Variants in EPB41L2 observed in about 807,000 individuals in gnomAD.
EPB41L2 encodes erythrocyte membrane protein band 4.1 like 2.
A neutral mutation model predicts 113.0 loss-of-function variants in EPB41L2; 43 were observed. The observed-to-expected ratio is 0.38, with a 90% CI of 0.30 to 0.49. The LOEUF (loss-of-function observed/expected upper bound fraction) is 0.49. Ranked by LOEUF, EPB41L2 falls within the 20% of genes least tolerant of loss-of-function variation. EPB41L2 has a pLI of 0.95. For missense variants in EPB41L2, 1,147 were observed against 1,223.4 expected (o/e 0.94, Z 0.93); for synonymous variants, 442 against 436.7 (o/e 1.01, Z -0.15).
intron 3 of EPB41L2, among the ~76,000 whole-genome samples, chr6:130,937,713 GGA>G (rs1210628128): frequency 6.6e-6 from 1 of 151,958 alleles, no homozygotes; most frequent in Admixed American, 6.6e-5. Context: ...CAGCTACTCG[GGA>G]GGCTGAGGCA....
intron 1 of EPB41L2, among the ~76,000 whole-genome samples, chr6:130,965,946 T>C (rs1775029680): frequency 6.6e-6 from 1 of 152,132 alleles, no homozygotes; most frequent in Non-Finnish European, 1.5e-5. Flanking sequence ...GTGTCCAATC[T>C]TGTGGCTTCC....
chr6:130,878,338 G>A, intron 13 of EPB41L2, 88 bp from the exon 14 acceptor site: 3 of 1,378,722 alleles, frequency 2.2e-6, no homozygotes, highest in South Asian at 1.5e-5. Context: ...ATAAGACAAA[G>A]CAAACTTACG....
At chr6:130,988,142 A>T (rs962512460) in intron 1 of EPB41L2, among the ~76,000 whole-genome samples, 2 of 152,194 alleles carry the variant, frequency 1.3e-5, no homozygotes, top group Non-Finnish European at 2.9e-5. Flanking sequence ...AAATAGGCTC[A>T]GGTGGAAGTA....
intron 3 of EPB41L2, among the ~76,000 whole-genome samples, chr6:130,954,267 A>G (rs1445094358): frequency 6.6e-6 from 1 of 151,554 alleles, no homozygotes; most frequent in Non-Finnish European, 1.5e-5. Context: ...GTTAGCCAGG[A>G]TGGTCTGGAT....
intron 14 of EPB41L2, among the ~76,000 whole-genome samples, chr6:130,874,984 C>T (rs566964460): frequency 1.4e-4 from 22 of 152,246 alleles, no homozygotes; most frequent in Middle Eastern, 6.8e-3. Context: ...ATATTAAAGT[C>T]CTCATTATAC....
rs868491402 is a variant in EPB41L2 at position 130,898,001 on chromosome 6, A to T, written c.1236+1490T>A. On this transcript the variant is annotated intron_variant, in intron 8 of 19. Transcript: ENST00000337057. ...GCCAGAGACTACTTACTGACAGAAA[A>T]ATCTTATAATAGTAAGTTAAAAAAA... Among the ~76,000 whole-genome samples, 849 of 151,986 alleles carry T rather than the reference A, an allele frequency of 5.6e-3. 5 individuals carry two copies. Among genetic ancestry groups the T allele is most frequent in the African/African-American group, 0.02 (819 of 41,476 alleles).
intron 18 of EPB41L2, among the ~76,000 whole-genome samples, chr6:130,861,291 C>G (rs1240127772): frequency 2.0e-5 from 3 of 151,946 alleles, no homozygotes; most frequent in Non-Finnish European, 2.9e-5. Flanking sequence ...CCAGGATGGT[C>G]TCCATCTCCT....
chr6:130,850,685 G>A (rs1219426833), intron 19 of EPB41L2, among the ~76,000 whole-genome samples: 2 of 152,040 alleles, frequency 1.3e-5, no homozygotes, highest in African/African-American at 4.8e-5. Context: ...CTTTTAAAAA[G>A]TTATAACCCC....
intron 10 of EPB41L2, among the ~76,000 whole-genome samples, chr6:130,890,762 T>A (rs1030911714): frequency 1.3e-5 from 2 of 152,194 alleles, no homozygotes; most frequent in Admixed American, 1.3e-4. Context: ...TTAGCTTAAA[T>A]CATTTATATA....
intron 19 of EPB41L2, among the ~76,000 whole-genome samples, chr6:130,855,373 A>G (rs1435218593): frequency 6.6e-6 from 1 of 152,058 alleles, no homozygotes; most frequent in East Asian, 1.9e-4. Flanking sequence ...AATAAATAAA[A>G]CCATTAGGGA....
At chr6:130,892,190 G>A (rs1793109575) in intron 10 of EPB41L2, among the ~76,000 whole-genome samples, 1 of 152,026 alleles carries the variant, frequency 6.6e-6, no homozygotes, top group African/African-American at 2.4e-5. Flanking sequence ...ACAGCACAGA[G>A]GTGAGGAATA....
At chr6:131,024,578 A>G (rs560907541) in intron 1 of EPB41L2, among the ~76,000 whole-genome samples, 1 of 152,300 alleles carries the variant, frequency 6.6e-6, no homozygotes, top group East Asian at 1.9e-4. Context: ...TGCTTTAACA[A>G]TCAAATTCCC....
At chr6:131,030,053 G>T (rs898938628) in intron 1 of EPB41L2, among the ~76,000 whole-genome samples, 6 of 150,982 alleles carry the variant, frequency 4.0e-5, no homozygotes, top group African/African-American at 1.5e-4. Flanking sequence ...ATGGTTCAGG[G>T]CCCTACTGTT....
chr6:130,863,709 C>G lies in EPB41L2; in HGVS notation c.2839G>C (p.Gly947Arg). ...TTTHITKTVK[G>R]GISETRIEKR... The stretch of plus-strand genomic sequence containing the variant: ...TCAATTCTTGTTTCAGAAATTCCAC[C>G]TTTTACAGTCTAAAGGTCATAAAGG... The change falls in exon 18 of 20, where the codon GGT becomes CGT. Residue 947 changes from glycine (G) to arginine (R), a missense_variant. Physicochemically the swap from Gly to Arg is moderately radical, Grantham distance 125. Coordinates refer to ENST00000337057, the MANE Select transcript of EPB41L2 (RefSeq NM_001431.4). The G allele has an allele frequency of 6.2e-7, 1 of 1,612,434 alleles. No individual in the cohort carries two copies. Among genetic ancestry groups the G allele is most frequent in the Non-Finnish European group, 8.5e-7 (1 of 1,178,626 alleles).
At chr6:130,982,844 G>A (rs1026996418) in intron 1 of EPB41L2, among the ~76,000 whole-genome samples, 3 of 152,098 alleles carry the variant, frequency 2.0e-5, no homozygotes, top group African/African-American at 4.8e-5. Context: ...AATGAGGCTC[G>A]GAGAAATTAA....
intron 15 of EPB41L2, chr6:130,868,964 A>G (rs1390299615): frequency 6.6e-6 from 1 of 152,588 alleles, no homozygotes; most frequent in African/African-American, 2.4e-5. Context: ...TCTTAACAAA[A>G]CCATACAACC....
At chr6:130,928,849 T>C (rs961089843) in intron 3 of EPB41L2, among the ~76,000 whole-genome samples, 4 of 152,200 alleles carry the variant, frequency 2.6e-5, no homozygotes, top group Non-Finnish European at 2.9e-5. Context: ...GTCTGTAAAA[T>C]GAGGGTAATA....
intron 10 of EPB41L2, among the ~76,000 whole-genome samples, chr6:130,892,403 C>CTTTTTTGTTTTTTTTTTTTTT (rs1793203868): frequency 1.1e-5 from 1 of 92,640 alleles, no homozygotes. Context: ...CAGATTATTG[C>CTTTTTTGTTTTTTTTTTTTTT]TTTTTTTTTT....
intron 1 of EPB41L2, among the ~76,000 whole-genome samples, chr6:131,001,576 C>G (rs1367690869): frequency 6.6e-6 from 1 of 152,184 alleles, no homozygotes; most frequent in Non-Finnish European, 1.5e-5. Flanking sequence ...GCTGTCATCT[C>G]TACCGGAGTT....
Sources: allele counts gnomAD v4.1 joint callset (sites outside exome capture counted in the v4.1 genomes callset), GRCh38; gene constraint gnomAD v4.1.1; transcripts MANE v1.5; gene names NCBI Gene and HGNC (gene_info 2026-07-23, HGNC 2026-07-21).